Variants in TDRD6 observed in about 807,000 individuals in gnomAD.
TDRD6 encodes tudor domain-containing protein 6.
TDRD6 carries 186 observed loss-of-function variants against 157.5 expected under a neutral mutation model. That is an observed-to-expected ratio of 1.18 (90% confidence interval 1.05 to 1.33). The LOEUF is 1.33. TDRD6 is among the 40% of genes most tolerant of loss of function. The probability of loss-of-function intolerance (pLI) is 0.00; values close to 1 mark genes in which losing one functional copy is unlikely to be tolerated. For missense variants in TDRD6, 3,066 were observed against 2,508.0 expected, an observed-to-expected ratio of 1.22 and a Z score of -4.75; for synonymous variants, 1,075 against 945.2, an observed-to-expected ratio of 1.14 and a Z score of -2.52.
chr6:46,681,568 T>C, the TDRD6 span: 1 of 470,878 alleles, frequency 2.1e-6, no homozygotes, highest in Non-Finnish European at 4.4e-6. Flanking sequence ...AGTTGAAGGT[T>C]TGATAAAAGC....
chr6:46,701,121 A>T (rs915355353), intron 3 of TDRD6: 1 of 372,760 alleles, frequency 2.7e-6, no homozygotes, highest in Non-Finnish European at 5.4e-6. Context: ...TTTCTTAAAA[A>T]TATTGTTATG....
Position 46,692,885 on chromosome 6 carries a change from G to A in TDRD6, c.4757G>A (p.Arg1586Lys). ...VRYREDGHYY[R>K]ALITNICEDY... is the part of the protein sequence containing the mutation. ...TACAGAGAAGATGGACATTATTATA[G>A]GGCACTTATCACTAATATTTGTGAA... Residue 1586 changes from arginine (R) to lysine (K), a missense_variant, in exon 1 of 4, where the codon AGG (arginine) becomes AAG (lysine). Coordinates refer to ENST00000316081, the MANE Select transcript of TDRD6 (RefSeq NM_001010870.3). The A allele has an allele frequency of 1.2e-6, 2 of 1,614,078 alleles. No homozygotes were observed. Among genetic ancestry groups the A allele is most frequent in the Non-Finnish European group, 1.7e-6 (2 of 1,180,008 alleles).
At position 46,690,572 on chromosome 6, in the gene TDRD6, C is replaced by G. The variant is rs747391369; in HGVS notation, c.2444C>G (p.Pro815Arg). 3.1e-6 allele frequency: 5 copies of G among 1,614,162 alleles called. No individual in the cohort carries two copies. Among genetic ancestry groups the G allele is most frequent in the Non-Finnish European group, 4.2e-6 (5 of 1,180,028 alleles). Residue 815 changes from proline to arginine, a missense_variant, in exon 1 of 4, where the codon CCT (proline) becomes CGT (arginine). Transcript: ENST00000316081. The stretch of plus-strand genomic sequence containing the variant: ...TACTATTGCAAAAATACAGCTGCTC[C>G]TCACCAGAGAAACACCCTTGCTTGT... ...IQYYCKNTAA[P>R]HQRNTLACLA... is the part of the protein sequence containing the mutation.
chr6:46,686,381 C>T (rs1377074106), upstream of TDRD6, among the ~76,000 whole-genome samples: 5 of 150,302 alleles, frequency 3.3e-5, no homozygotes, highest in African/African-American at 4.9e-5. Flanking sequence ...GGCTAGGCAT[C>T]GAGAACATAA....
the TDRD6 span, among the ~76,000 whole-genome samples, chr6:46,680,608 A>G: frequency 6.6e-6 from 1 of 152,102 alleles, no homozygotes; most frequent in African/African-American, 2.4e-5. Context: ...CTTTGGGCAT[A>G]TTCTCACCTT....
chr6:46,694,938 A>C (rs1764454563), intron 1 of TDRD6, among the ~76,000 whole-genome samples: 1 of 152,206 alleles, frequency 6.6e-6, no homozygotes, highest in Admixed American at 6.5e-5. Flanking sequence ...CTTAAAGAAA[A>C]AAAATAGATT....
At chr6:46,686,688 G>C (rs528215680), upstream of TDRD6, among the ~76,000 whole-genome samples, 4 of 152,164 alleles carry the variant, frequency 2.6e-5, no homozygotes, top group South Asian at 8.3e-4. Flanking sequence ...TAGAGAAATT[G>C]GATTCATTCA....
upstream of TDRD6, among the ~76,000 whole-genome samples, chr6:46,683,504 T>C (rs1299892903): frequency 6.6e-6 from 1 of 152,048 alleles, no homozygotes; most frequent in Non-Finnish European, 1.5e-5. Context: ...TCATCAAAAT[T>C]ACAAATTTTC....
chr6:46,694,348 G>A (rs941455819), intron 1 of TDRD6, among the ~76,000 whole-genome samples, 174 bp downstream of exon 1: 1 of 151,748 alleles, frequency 6.6e-6, no homozygotes, highest in African/African-American at 2.4e-5. Context: ...GACTACAGGT[G>A]TGTGCCACCA....
At position 46,692,957 on chromosome 6, in the gene TDRD6, A is replaced by G. The variant is rs1764382478; in HGVS notation, c.4829A>G (p.Asp1610Gly). 1 of 1,613,530 alleles carries G rather than the reference A, an allele frequency of 6.2e-7. No individual in the cohort carries two copies. The highest frequency in any genetic ancestry group is 8.5e-7 in the Non-Finnish European group (1 of 1,179,662). Residue 1610 changes from aspartate (D) to glycine (G), a missense_variant, in exon 1 of 4, where the codon GAC (aspartate) becomes GGC (glycine). Physicochemically the swap from Asp to Gly is moderately conservative, Grantham distance 94 (BLOSUM62 -1). Transcript: ENST00000316081. Reference sequence around the variant, plus strand: ...CTTGTGGACTTTGGAAACATTGAAGACTGTGTGGACCCAAAAGCACTCTGG... The same window carrying G: ...CTTGTGGACTTTGGAAACATTGAAGGCTGTGTGGACCCAAAAGCACTCTGG... ...VRLVDFGNIE[D>G]CVDPKALWAI...
chr6:46,692,126 A>T lies in TDRD6; in HGVS notation c.3998A>T (p.His1333Leu). 6.2e-7 allele frequency: 1 copy of T among 1,613,560 alleles called. No homozygotes were observed. Among genetic ancestry groups the T allele is most frequent in the Non-Finnish European group, 8.5e-7 (1 of 1,179,744 alleles). ...ATAGAAGATGAAGCTGAAATTAGTCATCTTTCAGAGAGATTAAACAGTGTT... is the reference window on the plus strand; with the variant it reads ...ATAGAAGATGAAGCTGAAATTAGTCTTCTTTCAGAGAGATTAAACAGTGTT... ...QLIEDEAEIS[H>L]LSERLNSVKT... The change falls in exon 1 of 4, where the codon CAT (histidine) becomes CTT (leucine). Residue 1333 changes from histidine (H) to leucine (L), a missense_variant. Coordinates refer to ENST00000316081, the MANE Select transcript of TDRD6 (RefSeq NM_001010870.3).
chr6:46,688,438 A>C lies in TDRD6; in HGVS notation c.310A>C (p.Thr104Pro). ...SRVFLLDEGR[T>P]ITAGAGSLAP... is the part of the protein sequence containing the mutation. ...TGTCTTCCTGCTGGACGAGGGCCGC[A>C]CCATCACGGCCGGAGCAGGCTCGCT... The change falls in exon 1 of 4, where the codon ACC becomes CCC. Residue 104 changes from threonine to proline, a missense_variant. Coordinates refer to ENST00000316081, the MANE Select transcript of TDRD6 (RefSeq NM_001010870.3). The C allele has an allele frequency of 6.5e-7, 1 of 1,542,502 alleles. No individual in the cohort carries two copies. The highest frequency in any genetic ancestry group is 8.7e-7 in the Non-Finnish European group (1 of 1,146,314).
chr6:46,691,993 T>A lies in TDRD6; in HGVS notation c.3865T>A (p.Leu1289Met), dbSNP rs1320145741. The change falls in exon 1 of 4, where the codon TTG becomes ATG. Residue 1289 changes from leucine (L) to methionine (M), a missense_variant. Coordinates refer to ENST00000316081, the MANE Select transcript of TDRD6 (RefSeq NM_001010870.3). ...RKIGDSCDKD[L>M]PLKFCEFPQK... ...AATAGGAGATTCATGTGACAAAGAT[T>A]TGCCTCTGAAATTTTGTGAGTTCCC... 6.2e-7 allele frequency: 1 copy of A among 1,613,912 alleles called. No homozygotes were observed. The highest frequency in any genetic ancestry group is 8.5e-7 in the Non-Finnish European group (1 of 1,179,928).
intron 2 of TDRD6, among the ~76,000 whole-genome samples, 190 bp downstream of exon 2, chr6:46,696,135 G>C (rs1322220660): frequency 6.6e-6 from 1 of 151,940 alleles, no homozygotes; most frequent in Non-Finnish European, 1.5e-5. Context: ...ATCATCCTAG[G>C]CTGTATCATC....
Position 46,702,459 on chromosome 6 carries a change from AG to A in TDRD6, c.*573del, listed in dbSNP as rs1764648249. 6.6e-6 allele frequency: 1 copy of A among 152,178 alleles called. No individual in the cohort carries two copies. The highest frequency in any genetic ancestry group is 1.5e-5 in the Non-Finnish European group (1 of 68,008). 9.4% of individuals were successfully genotyped at this position (152,178 alleles called of 1,614,324 possible). On this transcript the variant is annotated 3_prime_UTR_variant, in exon 4 of 4. Transcript: ENST00000316081. ...GGTCTCATTTTATTAAAAAGGAAAT[AG>A]AACTCTTAAATATACTTGGTTCCAT... is the stretch of plus-strand genomic sequence containing the variant.
Position 46,702,552 on chromosome 6 carries a change from C to T in TDRD6, c.*665C>T, listed in dbSNP as rs972980966. ...TAAATGTTAGCTCTTATGTATTAGTCACTTAGCTTATACTTTAAATGCATT... is the reference window on the plus strand; with the variant it reads ...TAAATGTTAGCTCTTATGTATTAGTTACTTAGCTTATACTTTAAATGCATT... On this transcript the variant is annotated 3_prime_UTR_variant, in exon 4 of 4. Coordinates refer to ENST00000316081, the MANE Select transcript of TDRD6 (RefSeq NM_001010870.3). The T allele has an allele frequency of 2.0e-5, 3 of 152,072 alleles. No individual in the cohort carries two copies. Among genetic ancestry groups the T allele is most frequent in the African/African-American group, 7.2e-5 (3 of 41,416 alleles). The allele number at this position is 152,072 out of a possible 1,614,324, so 9.4% of individuals were successfully genotyped here. A position where few individuals can be genotyped will look rare whatever the true frequency, so the allele number is the denominator to read the frequency against.
chr6:46,696,474 GTATATA>G (rs1286889467), intron 2 of TDRD6, among the ~76,000 whole-genome samples: 5 of 131,522 alleles, frequency 3.8e-5, no homozygotes, highest in African/African-American at 8.7e-5. Flanking sequence ...GTATATGTGT[GTATATA>G]TATATATATA....
chr6:46,685,304 A>C (rs1764064419), upstream of TDRD6, among the ~76,000 whole-genome samples: 1 of 152,174 alleles, frequency 6.6e-6, no homozygotes, highest in African/African-American at 2.4e-5. Flanking sequence ...AGTAAATGTT[A>C]ATTTTTCTAA....
chr6:46,681,380 A>AT, the TDRD6 span: 1 of 326,544 alleles, frequency 3.1e-6, no homozygotes, highest in African/African-American at 2.2e-5. Context: ...TAAATATGTG[A>AT]TTTTAAAGCA....
Sources: allele counts gnomAD v4.1 joint callset (sites outside exome capture counted in the v4.1 genomes callset), GRCh38; gene constraint gnomAD v4.1.1; transcripts MANE v1.5; gene names NCBI Gene and HGNC (gene_info 2026-07-23, HGNC 2026-07-21).